Variants in FNIP2 observed in about 807,000 individuals in gnomAD.
FNIP2 encodes folliculin interacting protein 2.
FNIP2 carries 32 observed loss-of-function variants against 108.7 expected under a neutral mutation model. That is an observed-to-expected ratio of 0.29 (90% CI 0.22 to 0.40). The LOEUF (loss-of-function observed/expected upper bound fraction) is 0.40, where lower values mean the gene tolerates loss of function less well. FNIP2 is among the 10% of genes least tolerant of loss of function. The probability of loss-of-function intolerance (pLI) is 1.00; values close to 1 mark genes in which losing one functional copy is unlikely to be tolerated. For missense variants in FNIP2, 1,202 were observed against 1,381.6 expected (o/e 0.87, Z 2.06); for synonymous variants, 480 against 496.7 (o/e 0.97, Z 0.45).
At chr4:158,899,037 G>T (rs1041578874) in intron 16 of FNIP2, among the ~76,000 whole-genome samples, 2 of 152,192 alleles carry the variant, frequency 1.3e-5, no homozygotes, top group African/African-American at 4.8e-5. Context: ...AGTTTATTGA[G>T]AGTTTATAGC....
At chr4:158,798,303 A>C (rs1303652744) in intron 1 of FNIP2, among the ~76,000 whole-genome samples, 1 of 152,084 alleles carries the variant, frequency 6.6e-6, no homozygotes, top group Non-Finnish European at 1.5e-5. Flanking sequence ...AACTGAAGTG[A>C]TCCTCCCACC....
intron 8 of FNIP2, 118 bp downstream of exon 8, chr4:158,851,568 G>T: frequency 8.0e-7 from 1 of 1,245,752 alleles, no homozygotes; most frequent in Non-Finnish European, 1.1e-6. Context: ...TTTTTTATTA[G>T]CTTCAGCTGA....
intron 14 of FNIP2, among the ~76,000 whole-genome samples, chr4:158,887,429 A>G (rs1782074735): frequency 6.6e-6 from 1 of 152,166 alleles, no homozygotes; most frequent in African/African-American, 2.4e-5. Context: ...TTGTGGTTCT[A>G]TAGATGCCTA....
At position 158,878,919 on chromosome 4, in the gene FNIP2, A is replaced by G. The variant is rs566395601; in HGVS notation, c.2949+8450A>G. 3.0e-5 allele frequency among the ~76,000 whole-genome samples: 4 copies of G among 135,590 alleles called. No homozygotes were observed. In the East Asian group the frequency reaches 8.5e-4, roughly 29 times the overall value. 89.0% of individuals were successfully genotyped at this position (135,590 alleles called of 152,430 possible). A position where few individuals can be genotyped will look rare whatever the true frequency, so the allele number is the denominator to read the frequency against. ...AAATAGTCCCTGAAATTAAAACTCC[A>G]GGTATAGGTTAAAGAACAGAGCAGA... On this transcript the variant is annotated intron_variant, in intron 14 of 16. Transcript: ENST00000264433.
Position 158,869,260 on chromosome 4 carries a change from A to T in FNIP2, c.2624A>T (p.Asp875Val). ...GGTGCGAATATCCCCTGTGGGGATG[A>T]CAACAAGAAGGCCAACTTCAGGACT... ...VAGANIPCGD[D>V]NKKANFRTEG... Residue 875 changes from aspartate (D) to valine (V), a missense_variant, in exon 13 of 17, where the codon GAC (aspartate) becomes GTC (valine). Around this residue, in one of 5 missense-constraint regions of FNIP2, gnomAD observed 878 missense variants for 990.3 expected, o/e 0.89. Transcript: ENST00000264433. The T allele has an allele frequency of 6.2e-7, 1 of 1,614,012 alleles. No homozygotes were observed. The highest frequency in any genetic ancestry group is 1.3e-5 in the African/African-American group (1 of 75,056).
intron 1 of FNIP2, among the ~76,000 whole-genome samples, chr4:158,824,630 T>A (rs1281243420): frequency 6.6e-6 from 1 of 152,182 alleles, no homozygotes; most frequent in Non-Finnish European, 1.5e-5. Context: ...TCTTCATCTC[T>A]TCCACCCCCA....
At chr4:158,835,516 A>G in intron 7 of FNIP2, 40 bp downstream of exon 7, 1 of 1,574,904 alleles carries the variant, frequency 6.3e-7, no homozygotes, top group Non-Finnish European at 8.7e-7. Context: ...AACAGAGTGA[A>G]CTATCTACAG....
intron 1 of FNIP2, among the ~76,000 whole-genome samples, chr4:158,770,956 A>G (rs1283048921): frequency 1.3e-5 from 2 of 152,088 alleles, no homozygotes; most frequent in Admixed American, 6.6e-5. Flanking sequence ...TCCGCTATCC[A>G]CAAGTTTAAC....
intron 14 of FNIP2, among the ~76,000 whole-genome samples, chr4:158,881,430 ACGGTCTCCCTCTCCCTCTCTTTC>A (rs1781614271): frequency 2.7e-5 from 3 of 110,736 alleles, no homozygotes; most frequent in Non-Finnish European, 3.7e-5. Context: ...CTCTCTTTCC[ACGGTCTCCCTCTCCCTCTCTTTC>A]CACGGTCTCC....
intron 7 of FNIP2, among the ~76,000 whole-genome samples, chr4:158,846,053 C>T (rs577111769): frequency 6.6e-6 from 1 of 152,322 alleles, no homozygotes; most frequent in African/African-American, 2.4e-5. Flanking sequence ...AGTTGTCTTA[C>T]TTGGCCCACC....
chr4:158,853,110 CATAAT>C (rs1284351907), intron 8 of FNIP2, among the ~76,000 whole-genome samples: 3 of 151,960 alleles, frequency 2.0e-5, no homozygotes, highest in Non-Finnish European at 2.9e-5. Context: ...AAATTCCAAA[CATAAT>C]ATTTTTGATG....
At chr4:158,805,520 C>T (rs1330018957) in intron 1 of FNIP2, among the ~76,000 whole-genome samples, 5 of 152,098 alleles carry the variant, frequency 3.3e-5, no homozygotes, top group African/African-American at 1.2e-4. Context: ...TATGGCTGCT[C>T]GTTATCATTT....
chr4:158,884,222 T>TG (rs1781891413), intron 14 of FNIP2, among the ~76,000 whole-genome samples: 1 of 152,162 alleles, frequency 6.6e-6, no homozygotes, highest in Non-Finnish European at 1.5e-5. Context: ...ACAGATTACT[T>TG]AATAGGAACT....
Position 158,869,382 on chromosome 4 carries a change from G to C in FNIP2, c.2746G>C (p.Gly916Arg), listed in dbSNP as rs1289854593. ...AGCCATGCTAGATCTGGGTCACGGT[G>C]GTGACAGGACTGGAGGGTCCTTGGA... is the stretch of plus-strand genomic sequence containing the variant. Reference protein sequence around the residue: ...ASAMLDLGHGGDRTGGSLEVE... With the variant: ...ASAMLDLGHGRDRTGGSLEVE... Residue 916 changes from glycine (G) to arginine (R), a missense_variant, in exon 13 of 17, where the codon GGT becomes CGT. Gly to Arg is a moderately radical substitution (Grantham distance 125, BLOSUM62 -2). Around this residue, in one of 5 missense-constraint regions of FNIP2, gnomAD observed 878 missense variants for 990.3 expected, o/e 0.89. Coordinates refer to ENST00000264433, the MANE Select transcript of FNIP2 (RefSeq NM_020840.3). The C allele has an allele frequency of 6.2e-7, 1 of 1,610,644 alleles. No individual in the cohort carries two copies. The highest frequency in any genetic ancestry group is 1.3e-5 in the African/African-American group (1 of 74,984).
chr4:158,881,296 G>A (rs1430354900), intron 14 of FNIP2, among the ~76,000 whole-genome samples: 3 of 129,034 alleles, frequency 2.3e-5, no homozygotes, highest in African/African-American at 9.4e-5. Context: ...CTCTTTCCAC[G>A]GTCTCCCTCC....
intron 7 of FNIP2, among the ~76,000 whole-genome samples, chr4:158,844,034 C>T (rs1779267742): frequency 1.3e-5 from 2 of 152,208 alleles, no homozygotes; most frequent in South Asian, 4.1e-4. Flanking sequence ...AACCTCAAAA[C>T]TTTTTCCTTT....
intron 14 of FNIP2, among the ~76,000 whole-genome samples, chr4:158,877,111 C>G (rs1057418597): frequency 3.9e-5 from 6 of 152,328 alleles, no homozygotes; most frequent in Admixed American, 3.9e-4. Flanking sequence ...TAACTTGATT[C>G]TGATACCCTT....
At chr4:158,831,813 C>T (rs868029484) in intron 3 of FNIP2, 48 bp from the exon 4 acceptor site, 4 of 1,176,064 alleles carry the variant, frequency 3.4e-6, no homozygotes, top group Middle Eastern at 1.9e-4. Flanking sequence ...TGTTGCATTG[C>T]ATGTCATGTT....
chr4:158,843,546 T>C (rs1380154897), intron 7 of FNIP2, among the ~76,000 whole-genome samples: 1 of 152,178 alleles, frequency 6.6e-6, no homozygotes, highest in Non-Finnish European at 1.5e-5. Flanking sequence ...GACAATAAAA[T>C]GTAGGCAACC....
Sources: allele counts gnomAD v4.1 joint callset (sites outside exome capture counted in the v4.1 genomes callset), GRCh38; gene constraint gnomAD v4.1.1; regional missense constraint gnomAD v4.1.1; transcripts MANE v1.5; gene names NCBI Gene and HGNC (gene_info 2026-07-23, HGNC 2026-07-21).